The following AAMDC variants were observed in gnomAD, a reference collection of about 807,000 sequenced individuals.
AAMDC encodes mth938 domain-containing protein.
A neutral mutation model predicts 15.5 loss-of-function variants in AAMDC; 16 were observed. That is an observed-to-expected ratio of 1.03 (90% confidence interval 0.70 to 1.57). AAMDC has a LOEUF of 1.57. Among genes scored for constraint, AAMDC ranks in the 40% most tolerant of loss-of-function variants. AAMDC has a pLI of 0.00. For synonymous variants in AAMDC, 51 were observed against 51.6 expected (o/e 0.99, Z 0.05); for missense variants, 141 against 144.9 (o/e 0.97, Z 0.14).
chr11:77,853,118 C>T (rs184971698), intron 2 of AAMDC, among the ~76,000 whole-genome samples: 2 of 152,196 alleles, frequency 1.3e-5, no homozygotes, highest in African/African-American at 4.8e-5. Context: ...TGCCAAATTC[C>T]CCTTTTTGGG....
At chr11:77,889,126 A>G (rs961620760) in intron 5 of AAMDC, among the ~76,000 whole-genome samples, 2 of 152,202 alleles carry the variant, frequency 1.3e-5, no homozygotes, top group African/African-American at 4.8e-5. Flanking sequence ...ACATGCACAC[A>G]TATGTTTATT....
At chr11:77,833,011 T>TA (rs1565197568) in intron 1 of AAMDC, among the ~76,000 whole-genome samples, 1 of 96,714 alleles carries the variant, frequency 1.0e-5, no homozygotes, top group African/African-American at 3.8e-5. Context: ...ATATATATAT[T>TA]TTTTTTTTTT....
chr11:77,905,872 A>G (rs1952935983), intron 3 of AAMDC, among the ~76,000 whole-genome samples: 1 of 152,162 alleles, frequency 6.6e-6, no homozygotes, highest in South Asian at 2.1e-4. Context: ...TCTGCTCATA[A>G]CTGTTAGACC....
intron 2 of AAMDC, among the ~76,000 whole-genome samples, chr11:77,843,382 A>G (rs1335615480): frequency 6.6e-6 from 1 of 152,164 alleles, no homozygotes; most frequent in Admixed American, 6.6e-5. Flanking sequence ...CCTGGGATGT[A>G]GCCTCAACAA....
At chr11:77,823,577 T>C (rs1339359371) in intron 1 of AAMDC, among the ~76,000 whole-genome samples, 1 of 139,170 alleles carries the variant, frequency 7.2e-6, no homozygotes, top group East Asian at 2.1e-4. Context: ...TCCCATGTAG[T>C]TGCCACTGCA....
chr11:77,831,861 A>G (rs1358795319), intron 1 of AAMDC: 1 of 119,498 alleles, frequency 8.4e-6, no homozygotes, highest in African/African-American at 3.7e-5. Flanking sequence ...ATGCCTGGCT[A>G]ATTTTTTTTT....
chr11:77,873,510 T>C (rs1339448694), downstream of AAMDC, among the ~76,000 whole-genome samples: 1 of 152,250 alleles, frequency 6.6e-6, no homozygotes, highest in East Asian at 1.9e-4. Context: ...TTCTCTTTCA[T>C]ATCCATTTAC....
At position 77,825,853 on chromosome 11, in the gene AAMDC, G is replaced by A. The variant is rs7108804; in HGVS notation, c.-19+4612G>A. On this transcript the variant is annotated intron_variant, in intron 1 of 3. Transcript: ENST00000393427. The stretch of plus-strand genomic sequence containing the variant: ...ATTACAGGCAAGTGCCACTACATCC[G>A]GCTAATTTTTGTATTTTTTGTAGAG... Among the ~76,000 whole-genome samples, 297 of 152,016 alleles carry A rather than the reference G, an allele frequency of 2.0e-3. 4 individuals are homozygous for A. The highest frequency in any genetic ancestry group is 6.8e-3 in the African/African-American group (283 of 41,464).
intron 1 of AAMDC, among the ~76,000 whole-genome samples, chr11:77,839,886 G>A (rs1341449942): frequency 2.0e-5 from 3 of 152,140 alleles, no homozygotes; most frequent in Non-Finnish European, 2.9e-5. Context: ...ATACCTAGGT[G>A]ATGGGTTGAT....
At position 77,854,742 on chromosome 11, in the gene AAMDC, A is replaced by T. The variant is rs187025632; in HGVS notation, c.132+12114A>T. On this transcript the variant is annotated intron_variant, in intron 2 of 3. Coordinates refer to ENST00000393427, the MANE Select transcript of AAMDC (RefSeq NM_024684.4). ...AGCCGTTGGTGGATCTACCATTCTC[A>T]TGTCTGGAGGATGGTGGCCCTCTTC... Among the ~76,000 whole-genome samples, 5 of 152,248 alleles carry T rather than the reference A, an allele frequency of 3.3e-5. No individual in the cohort carries two copies. In the East Asian group the frequency reaches 9.6e-4, roughly 29 times the overall value.
intron 1 of AAMDC, among the ~76,000 whole-genome samples, chr11:77,826,557 C>A (rs1949184116): frequency 6.6e-6 from 1 of 152,146 alleles, no homozygotes; most frequent in Admixed American, 6.5e-5. Flanking sequence ...TGTTAAGATA[C>A]TGTATTTACA....
chr11:77,903,572 G>A (rs1236129894), downstream of AAMDC: 1 of 1,613,926 alleles, frequency 6.2e-7, no homozygotes. Flanking sequence ...AAATCACTCT[G>A]CTTCAAATAC....
chr11:77,842,379 T>G, intron 1 of AAMDC, 100 bp from the exon 2 acceptor site: 1 of 1,140,704 alleles, frequency 8.8e-7, no homozygotes, highest in South Asian at 1.6e-5. Context: ...GAAAAGATGC[T>G]TCTTAAATCA....
chr11:77,904,542 A>G (rs1952882041), downstream of AAMDC, among the ~76,000 whole-genome samples: 1 of 152,262 alleles, frequency 6.6e-6, no homozygotes, highest in South Asian at 2.1e-4. Flanking sequence ...TTAATAACAC[A>G]TCTCAGTTTG....
intron 5 of AAMDC, among the ~76,000 whole-genome samples, chr11:77,886,438 C>T (rs1214297534): frequency 6.6e-6 from 1 of 151,296 alleles, no homozygotes; most frequent in Non-Finnish European, 1.5e-5. Context: ...ATCGCGAAGG[C>T]CCGCGGCGGG....
chr11:77,896,783 TAGA>T (rs1284167440), intron 5 of AAMDC, among the ~76,000 whole-genome samples: 2 of 143,332 alleles, frequency 1.4e-5, no homozygotes, highest in African/African-American at 2.6e-5. Context: ...CTAGAGTGTA[TAGA>T]AGAAGTAAAG....
chr11:77,896,055 G>A (rs1010441828), intron 5 of AAMDC, among the ~76,000 whole-genome samples: 6 of 152,158 alleles, frequency 3.9e-5, no homozygotes, highest in Non-Finnish European at 8.8e-5. Flanking sequence ...AGGAGACCAA[G>A]CAGTCCTCAA....
intron 2 of AAMDC, among the ~76,000 whole-genome samples, chr11:77,861,989 A>G (rs1047699327): frequency 1.3e-5 from 2 of 152,138 alleles, no homozygotes; most frequent in Non-Finnish European, 2.9e-5. Flanking sequence ...TGCTTTCTCA[A>G]TGCCTCCCTT....
chr11:77,869,609 G>C (rs927266198), intron 2 of AAMDC, 113 bp from the exon 3 acceptor site: 1 of 1,037,780 alleles, frequency 9.6e-7, no homozygotes, highest in African/African-American at 1.6e-5. Flanking sequence ...AGTGATGCTT[G>C]GCACAAAGTG....
Sources: gnomAD v4.1 joint callset for allele counts (sites outside exome capture counted in the v4.1 genomes callset) on GRCh38, gnomAD v4.1.1 for gene constraint, MANE v1.5 for transcripts, NCBI Gene and HGNC (gene_info 2026-07-23, HGNC 2026-07-21) for gene names.